The following MTSS1 variants were observed in gnomAD, a reference collection of about 807,000 sequenced individuals.
MTSS1 encodes MTSS I-BAR domain containing 1.
In MTSS1, 18 loss-of-function variants were observed where a neutral mutation model predicts 79.0. The observed-to-expected ratio is 0.23, with a 90% CI of 0.16 to 0.34. MTSS1 has a LOEUF of 0.34. MTSS1 is among the 10% of genes least tolerant of loss of function. The pLI is 1.00. For synonymous variants in MTSS1, 341 were observed against 368.6 expected, an observed-to-expected ratio of 0.93 and a Z score of 0.86; for missense variants, 815 against 986.2, an observed-to-expected ratio of 0.83 and a Z score of 2.33.
intron 3 of MTSS1, among the ~76,000 whole-genome samples, chr8:124,657,313 A>T (rs1821132373): frequency 1.3e-5 from 2 of 152,156 alleles, no homozygotes; most frequent in Non-Finnish European, 2.9e-5. Flanking sequence ...ATGGTTACTG[A>T]AGCTGCGTAA....
intron 3 of MTSS1, among the ~76,000 whole-genome samples, chr8:124,624,806 G>A (rs563334151): frequency 1.1e-4 from 16 of 152,216 alleles, no homozygotes; most frequent in African/African-American, 2.9e-4. Context: ...TGCGCAGAGC[G>A]GGGAGGTGTG....
rs143535407 is a variant in MTSS1 at position 124,556,354 on chromosome 8, G to A, written c.1282C>T (p.Arg428Cys). The A allele has an allele frequency of 5.3e-5, 86 of 1,614,016 alleles. No homozygotes were observed. Among genetic ancestry groups the A allele is most frequent in the Non-Finnish European group, 6.5e-5 (77 of 1,180,012 alleles). Residue 428 changes from arginine to cysteine, a missense_variant, in exon 12 of 14, where the codon CGC (arginine) becomes TGC (cysteine). Arg to Cys is a radical substitution (Grantham distance 180). This residue lies in a region of MTSS1 where 590 missense variants were observed against 620.8 expected (regional missense o/e 0.95). Transcript: ENST00000518547. Reference sequence around the variant, plus strand: ...TCCGGTTCTCGCTTCTCTTTGCGGCGCTGCAGGGTGTTCACCAGAGGCTGG... The same window carrying A: ...TCCGGTTCTCGCTTCTCTTTGCGGCACTGCAGGGTGTTCACCAGAGGCTGG... ...YDQPLVNTLQ[R>C]RKEKREPDPN...
In MTSS1 at chr8:124,683,682, A is replaced by C. The variant is rs1826497441; in HGVS notation, c.208+15844T>G. Reference sequence around the variant, plus strand: ...ATCTGTCAAGACACAGGGCGGGTGGAAACATCAGAAACCATCTTACTGACA... The same window carrying C: ...ATCTGTCAAGACACAGGGCGGGTGGCAACATCAGAAACCATCTTACTGACA... On this transcript the variant is annotated intron_variant, in intron 3 of 13. Coordinates refer to ENST00000518547, the MANE Select transcript of MTSS1 (RefSeq NM_014751.6). The surrounding 1 kb of genome is among the most constrained non-coding windows in gnomAD (Gnocchi z 4.5). Among the ~76,000 whole-genome samples the C allele has an allele frequency of 6.6e-6, 1 of 152,224 alleles. No homozygotes were observed. Among genetic ancestry groups the C allele is most frequent in the Non-Finnish European group, 1.5e-5 (1 of 68,042 alleles).
intron 6 of MTSS1, among the ~76,000 whole-genome samples, chr8:124,576,734 CAA>C (rs1334075768): frequency 1.3e-5 from 2 of 152,182 alleles, no homozygotes; most frequent in Admixed American, 6.5e-5. Flanking sequence ...GGTTGCAACT[CAA>C]GAGAGGCAGC....
chr8:124,660,440 A>G (rs747224232), intron 3 of MTSS1, among the ~76,000 whole-genome samples: 2,938 of 137,502 alleles, frequency 0.021, 38 homozygotes, highest in South Asian at 0.074. Flanking sequence ...ATGCACACAC[A>G]CACACACACA....
At chr8:124,667,181 G>A (rs564842778) in intron 3 of MTSS1, among the ~76,000 whole-genome samples, 6 of 152,236 alleles carry the variant, frequency 3.9e-5, no homozygotes, top group Non-Finnish European at 5.9e-5. Flanking sequence ...ATGGGGAGGC[G>A]CTCTCCCCAG....
intron 3 of MTSS1, among the ~76,000 whole-genome samples, chr8:124,650,393 A>G (rs1819738936): frequency 6.6e-6 from 1 of 152,124 alleles, no homozygotes; most frequent in East Asian, 1.9e-4. Flanking sequence ...CTTGACACCC[A>G]CATATGCTAG....
chr8:124,561,881 C>T (rs1825409653), intron 10 of MTSS1, among the ~76,000 whole-genome samples: 1 of 151,842 alleles, frequency 6.6e-6, no homozygotes, highest in South Asian at 2.1e-4. Flanking sequence ...GCTCTGAGTG[C>T]GTTTAAAATT....
chr8:124,642,329 C>T (rs576732685), intron 3 of MTSS1, among the ~76,000 whole-genome samples: 1 of 152,146 alleles, frequency 6.6e-6, no homozygotes, highest in South Asian at 2.1e-4. Flanking sequence ...GGATGACACA[C>T]CCAAAGACTA....
At chr8:124,557,615 T>G (rs1586777203) in intron 11 of MTSS1, 66 bp downstream of exon 11, 2 of 1,410,232 alleles carry the variant, frequency 1.4e-6, no homozygotes, top group Non-Finnish European at 1.9e-6. Flanking sequence ...GGTGAGGGGG[T>G]TGGAACAGAA....
intron 3 of MTSS1, among the ~76,000 whole-genome samples, chr8:124,666,914 A>G (rs1489332421): frequency 6.6e-6 from 1 of 152,170 alleles, no homozygotes; most frequent in Non-Finnish European, 1.5e-5. Context: ...AGGTCAATGG[A>G]GGAGTTTAGG....
intron 10 of MTSS1, among the ~76,000 whole-genome samples, chr8:124,558,441 C>T (rs147494531): frequency 2.0e-3 from 300 of 152,236 alleles, no homozygotes; most frequent in African/African-American, 6.3e-3. Flanking sequence ...TGGACAGGCA[C>T]GCAACACCTG....
chr8:124,701,830 T>C (rs1394276644), intron 2 of MTSS1, among the ~76,000 whole-genome samples: 1 of 152,188 alleles, frequency 6.6e-6, no homozygotes, highest in Non-Finnish European at 1.5e-5. Flanking sequence ...AGAGGAGTGA[T>C]TCAGCTTAAA....
At chr8:124,660,778 C>G (rs1372702543) in intron 3 of MTSS1, among the ~76,000 whole-genome samples, 2 of 152,148 alleles carry the variant, frequency 1.3e-5, no homozygotes, top group Non-Finnish European at 2.9e-5. Flanking sequence ...TATGGAAATG[C>G]CCCTCAACTC....
rs1554665924 is a variant in MTSS1 at position 124,602,194 on chromosome 8, T to TATATATATATATACACACACAC, written c.209-10960_209-10959insGTGTGTGTGTATATATATATAT. Reference sequence around the variant, plus strand: ...AATAAATCTCATATATATACATATATATATATATATATAATTTTTTTTTGA... The same window carrying TATATATATATATACACACACAC: ...AATAAATCTCATATATATACATATATATATATATATATACACACACACATATATATATATAATTTTTTTTTGA... On this transcript the variant is annotated intron_variant, in intron 3 of 13. Coordinates refer to ENST00000518547, the MANE Select transcript of MTSS1 (RefSeq NM_014751.6). Among the ~76,000 whole-genome samples, 36 of 141,836 alleles carry TATATATATATATACACACACAC rather than the reference T, an allele frequency of 2.5e-4. No homozygotes were observed. The East Asian group carries it at 4.8e-3, about 19-fold the overall frequency. The allele number at this position is 141,836 out of a possible 152,430, so 93.0% of individuals were successfully genotyped here.
chr8:124,610,828 G>A (rs1835665387), intron 3 of MTSS1, among the ~76,000 whole-genome samples: 2 of 152,130 alleles, frequency 1.3e-5, no homozygotes, highest in Admixed American at 1.3e-4. Context: ...CCTGCCATGA[G>A]CTCAAGGAGC....
intron 9 of MTSS1, 196 bp from the exon 10 acceptor site, chr8:124,563,188 T>C (rs767739576): frequency 1.5e-4 from 91 of 592,478 alleles, no homozygotes; most frequent in Non-Finnish European, 2.4e-4. Context: ...ATGAAGGTAG[T>C]CAACAAAATG....
chr8:124,726,906 C>T (rs1348249867), intron 1 of MTSS1, among the ~76,000 whole-genome samples: 1 of 152,180 alleles, frequency 6.6e-6, no homozygotes, highest in African/African-American at 2.4e-5. Context: ...AAAATAATTT[C>T]CCCCACCGCT....
intron 3 of MTSS1, among the ~76,000 whole-genome samples, chr8:124,670,293 T>C (rs966888760): frequency 6.6e-6 from 1 of 152,050 alleles, no homozygotes; most frequent in Non-Finnish European, 1.5e-5. Context: ...ATTGTGATCC[T>C]GGGATGGAAA....
Sources: allele counts gnomAD v4.1 joint callset (sites outside exome capture counted in the v4.1 genomes callset), GRCh38; gene constraint gnomAD v4.1.1; regional missense constraint gnomAD v4.1.1; non-coding constraint Gnocchi (gnomAD v3.1); transcripts MANE v1.5; gene names NCBI Gene and HGNC (gene_info 2026-07-23, HGNC 2026-07-21).